Variants in THSD7A observed in about 807,000 individuals in gnomAD.
THSD7A encodes thrombospondin type-1 domain-containing protein 7A.
THSD7A carries 96 observed loss-of-function variants against 231.3 expected under a neutral mutation model. That is an observed-to-expected ratio of 0.41 (90% confidence interval 0.35 to 0.49). The LOEUF (loss-of-function observed/expected upper bound fraction) is 0.49. THSD7A is among the 20% of genes least tolerant of loss of function. The pLI is 0.05. For synonymous variants in THSD7A, 940 were observed against 743.3 expected, an observed-to-expected ratio of 1.26 and a Z score of -4.30; for missense variants, 2,290 against 2,070.2, an observed-to-expected ratio of 1.11 and a Z score of -2.06.
intron 13 of THSD7A, among the ~76,000 whole-genome samples, chr7:11,438,280 T>C (rs1322671921): frequency 6.6e-6 from 1 of 152,070 alleles, no homozygotes; most frequent in East Asian, 1.9e-4. Context: ...CACAAGGATA[T>C]AAATACTCCA....
chr7:11,716,805 C>A (rs1161345572), intron 1 of THSD7A, among the ~76,000 whole-genome samples: 1 of 151,486 alleles, frequency 6.6e-6, no homozygotes, highest in Non-Finnish European at 1.5e-5. Context: ...AAGAAAAAAT[C>A]TTATTACATT....
rs551187796 is a variant in THSD7A at position 11,517,348 on chromosome 7, G to A, written c.1822+24071C>T. On this transcript the variant is annotated intron_variant, in intron 6 of 27. Coordinates refer to ENST00000423059, the MANE Select transcript of THSD7A (RefSeq NM_015204.3). ...CCACCTCGGCCTCCCAAAGTGCTGG[G>A]ATTACAGGCGTGAGCCACCATGCCC... Among the ~76,000 whole-genome samples the A allele has an allele frequency of 9.2e-5, 14 of 152,110 alleles. No individual in the cohort carries two copies. In the South Asian group the frequency reaches 2.5e-3, roughly 27 times the overall value.
In THSD7A at chr7:11,494,282, T is replaced by C. The variant is rs192724519; in HGVS notation, c.1823-12300A>G. On this transcript the variant is annotated intron_variant, in intron 6 of 27. Coordinates refer to ENST00000423059, the MANE Select transcript of THSD7A (RefSeq NM_015204.3). Reference sequence around the variant, plus strand: ...CTTTGTCACTAAATACTTTGTTAAATACTATAAATAAAACCTCTGGGTTTA... The same window carrying C: ...CTTTGTCACTAAATACTTTGTTAAACACTATAAATAAAACCTCTGGGTTTA... 6.6e-5 allele frequency among the ~76,000 whole-genome samples: 10 copies of C among 152,134 alleles called. No individual in the cohort carries two copies. The South Asian group carries it at 1.2e-3, about 19-fold the overall frequency.
intron 2 of THSD7A, among the ~76,000 whole-genome samples, chr7:11,611,840 GTCTATCTATCTATCTATCTATCTA>G (rs570012898): frequency 7.2e-6 from 1 of 139,428 alleles, no homozygotes; most frequent in Non-Finnish European, 1.5e-5. Flanking sequence ...ACTATCATCT[GTCTATCTATCTATCTATCTATCTA>G]TCTATCTATC....
At chr7:11,445,037 TTATAAA>T (rs1784923032) in intron 13 of THSD7A, among the ~76,000 whole-genome samples, 2 of 151,576 alleles carry the variant, frequency 1.3e-5, no homozygotes, top group South Asian at 4.1e-4. Context: ...CTTTGATAGT[TTATAAA>T]TATGAGATGG....
chr7:11,465,448 T>TA (rs1226021950), intron 9 of THSD7A, among the ~76,000 whole-genome samples: 2 of 151,822 alleles, frequency 1.3e-5, no homozygotes, highest in Non-Finnish European at 2.9e-5. Context: ...GATGATGGGG[T>TA]ACACAGATTC....
At chr7:11,393,296 TAGA>T (rs889265955) in intron 23 of THSD7A, among the ~76,000 whole-genome samples, 2 of 151,852 alleles carry the variant, frequency 1.3e-5, no homozygotes, top group Admixed American at 1.3e-4. Flanking sequence ...TCCTGACTGT[TAGA>T]AGAAGAAAGG....
At chr7:11,705,479 A>G (rs564458659) in intron 1 of THSD7A, among the ~76,000 whole-genome samples, 7 of 151,058 alleles carry the variant, frequency 4.6e-5, no homozygotes, top group African/African-American at 1.5e-4. Context: ...TCTAGGAATC[A>G]TATTTCTCTG....
intron 1 of THSD7A, among the ~76,000 whole-genome samples, chr7:11,770,977 T>A (rs868173523): frequency 7.3e-5 from 11 of 151,620 alleles, no homozygotes; most frequent in African/African-American, 2.4e-4. Flanking sequence ...TTAATATTCA[T>A]GAATTTTTTG....
intron 23 of THSD7A, among the ~76,000 whole-genome samples, chr7:11,388,081 T>C (rs1346691099): frequency 1.3e-5 from 2 of 152,192 alleles, no homozygotes; most frequent in Non-Finnish European, 2.9e-5. Flanking sequence ...AGCTTTTTGA[T>C]GTGCTACTGG....
Position 11,814,878 on chromosome 7 carries a change from A to T in THSD7A, c.190+16879T>A, listed in dbSNP as rs1473829554. The stretch of plus-strand genomic sequence containing the variant: ...GATTGGATCTTCTGATCTTTGCTGC[A>T]TTTCTGTGATTATCTGTGCCAGCTC... On this transcript the variant is annotated intron_variant, in intron 1 of 27. Coordinates refer to ENST00000423059, the MANE Select transcript of THSD7A (RefSeq NM_015204.3). The surrounding 1 kb of genome is among the most constrained non-coding windows in gnomAD (Gnocchi z 5.1). Among the ~76,000 whole-genome samples the T allele has an allele frequency of 2.0e-5, 3 of 152,186 alleles. No individual in the cohort carries two copies. The highest frequency in any genetic ancestry group is 2.1e-4 in the South Asian group (1 of 4,818).
At chr7:11,600,665 G>A (rs185492239) in intron 2 of THSD7A, among the ~76,000 whole-genome samples, 13 of 152,226 alleles carry the variant, frequency 8.5e-5, no homozygotes, top group East Asian at 3.9e-4. Flanking sequence ...GGGAGCTCTC[G>A]CCATGAAGAG....
chr7:11,526,918 GCTAA>G (rs1362619238), intron 6 of THSD7A, among the ~76,000 whole-genome samples: 2 of 152,122 alleles, frequency 1.3e-5, no homozygotes, highest in African/African-American at 2.4e-5. Context: ...TCTGTGCTCA[GCTAA>G]CTTTCTCTCT....
chr7:11,557,674 T>G (rs1281669831), intron 4 of THSD7A, among the ~76,000 whole-genome samples: 4 of 152,158 alleles, frequency 2.6e-5, no homozygotes, highest in African/African-American at 9.7e-5. Flanking sequence ...AAGGCAGAAG[T>G]CCAGGTTTCT....
rs375109454 is a variant in THSD7A at position 11,542,931 on chromosome 7, A to G, written c.1609+31T>C. ...TCATGATTTGATACAATTGGTGGGT[A>G]TAAAAGGCATGTCATGGTCACGTTA... On this transcript the variant is annotated intron_variant, in intron 5 of 27. Coordinates refer to ENST00000423059, the MANE Select transcript of THSD7A (RefSeq NM_015204.3). The G allele has an allele frequency of 4.6e-4, 746 of 1,607,106 alleles. 1 individual carries two copies. Among genetic ancestry groups the G allele is most frequent in the Non-Finnish European group, 5.0e-4 (588 of 1,176,320 alleles).
At chr7:11,793,807 T>A (rs144418757) in intron 1 of THSD7A, among the ~76,000 whole-genome samples, 30 of 152,064 alleles carry the variant, frequency 2.0e-4, no homozygotes, top group African/African-American at 7.0e-4. Context: ...TGTTGGCATG[T>A]TGCTTTGGAC....
intron 1 of THSD7A, among the ~76,000 whole-genome samples, chr7:11,685,885 T>C (rs538478230): frequency 3.2e-4 from 49 of 151,996 alleles, no homozygotes; most frequent in Non-Finnish European, 5.9e-4. Flanking sequence ...CAAAGGAAAA[T>C]AAATTGTTCT....
rs192766370 is a variant in THSD7A at position 11,458,352 on chromosome 7, A to G, written c.2605+2310T>C. ...AGTAAAAGATACTTCTACATTCTTAAGATTCTCCACTTCATGTTTCTATAG... is the reference window on the plus strand; with the variant it reads ...AGTAAAAGATACTTCTACATTCTTAGGATTCTCCACTTCATGTTTCTATAG... On this transcript the variant is annotated intron_variant, in intron 11 of 27. Coordinates refer to ENST00000423059, the MANE Select transcript of THSD7A (RefSeq NM_015204.3). Among the ~76,000 whole-genome samples the G allele has an allele frequency of 1.4e-3, 213 of 152,256 alleles. 1 individual carries two copies. Among genetic ancestry groups the G allele is most frequent in the Admixed American group, 0.012 (179 of 15,268 alleles).
rs71027433 is a variant in THSD7A at position 11,815,083 on chromosome 7, CA to C, written c.190+16673del. On this transcript the variant is annotated intron_variant, in intron 1 of 27. Coordinates refer to ENST00000423059, the MANE Select transcript of THSD7A (RefSeq NM_015204.3). ...TTTCATGTAGCCATTCCCTAAAACTCAAAAAAAAAAAGAATCTTTTAAAAAT... is the reference window on the plus strand; with the variant it reads ...TTTCATGTAGCCATTCCCTAAAACTCAAAAAAAAAAGAATCTTTTAAAAAT... 7.5e-4 allele frequency among the ~76,000 whole-genome samples: 110 copies of C among 147,416 alleles called. No homozygotes were observed. The East Asian group carries it at 0.011, about 14-fold the overall frequency.
Sources: gnomAD v4.1 joint callset for allele counts (sites outside exome capture counted in the v4.1 genomes callset) on GRCh38, gnomAD v4.1.1 for gene constraint, Gnocchi (gnomAD v3.1) non-coding constraint, MANE v1.5 for transcripts, NCBI Gene and HGNC (gene_info 2026-07-23, HGNC 2026-07-21) for gene names.